Variants in SPMIP9 observed in about 807,000 individuals in gnomAD.
The protein encoded by SPMIP9 is sperm microtubule inner protein 9.
the SPMIP9 span, chr2:88,525,540 G>C: frequency 1.5e-6 from 2 of 1,359,754 alleles, no homozygotes; most frequent in Non-Finnish European, 2.1e-6. Context: ...GGCTAAGAAA[G>C]CTGGGGCAGC....
chr2:88,529,228 G>GC, the SPMIP9 span: 9 of 1,614,166 alleles, frequency 5.6e-6, no homozygotes, highest in Non-Finnish European at 7.6e-6. Flanking sequence ...GGGAGGACGA[G>GC]CGCAAGTTCA....
chr2:88,528,744 G>A, the SPMIP9 span, among the ~76,000 whole-genome samples: 2 of 152,178 alleles, frequency 1.3e-5, no homozygotes, highest in South Asian at 4.1e-4. Flanking sequence ...AAGGGAAGAA[G>A]ATATACACAT....
the SPMIP9 span, chr2:88,526,384 T>C: frequency 6.3e-7 from 1 of 1,583,338 alleles, no homozygotes; most frequent in Admixed American, 1.7e-5. Context: ...TCTCTTGTTT[T>C]ATATTCTCCT....
At chr2:88,527,295 AC>A in the SPMIP9 span, among the ~76,000 whole-genome samples, 1 of 152,044 alleles carries the variant, frequency 6.6e-6, no homozygotes, top group South Asian at 2.1e-4. Context: ...GCAGTTCGAG[AC>A]CAGCCTGGCT....
chr2:88,529,202 G>A, the SPMIP9 span: 6 of 1,614,150 alleles, frequency 3.7e-6, no homozygotes, highest in Middle Eastern at 1.6e-4. Context: ...CCCATCACAG[G>A]AACATGAGGC....
chr2:88,529,140 C>T, the SPMIP9 span: 1 of 1,614,180 alleles, frequency 6.2e-7, no homozygotes, highest in Non-Finnish European at 8.5e-7. Context: ...GGGTACCCTG[C>T]TTTCAAAAGA....
At chr2:88,525,749 T>A in the SPMIP9 span, 2 of 1,462,178 alleles carry the variant, frequency 1.4e-6, no homozygotes, top group Non-Finnish European at 9.6e-7. Context: ...AGGGCCAGGC[T>A]CTTTCTAGAA....
At chr2:88,527,446 C>G in the SPMIP9 span, among the ~76,000 whole-genome samples, 1 of 151,886 alleles carries the variant, frequency 6.6e-6, no homozygotes, top group African/African-American at 2.4e-5. Flanking sequence ...TCTATCCCCC[C>G]CAAAAAAATC....
chr2:88,527,536 A>G, the SPMIP9 span, among the ~76,000 whole-genome samples: 1 of 152,250 alleles, frequency 6.6e-6, no homozygotes, highest in South Asian at 2.1e-4. Context: ...GAACTTTATT[A>G]CATATTGGAT....
the SPMIP9 span, chr2:88,528,947 T>C: frequency 9.1e-6 from 11 of 1,205,694 alleles, no homozygotes; most frequent in Non-Finnish European, 1.3e-5. Flanking sequence ...TTTAAAGTTT[T>C]GAAAAAATAA....
chr2:88,525,673 T>G, the SPMIP9 span: 7 of 1,614,044 alleles, frequency 4.3e-6, no homozygotes, highest in South Asian at 7.7e-5. Flanking sequence ...CCGGGACAGG[T>G]GAGTGATGTG....
the SPMIP9 span, chr2:88,525,685 G>T: frequency 1.2e-5 from 20 of 1,614,044 alleles, 1 homozygote; most frequent in South Asian, 2.2e-4. Flanking sequence ...AGTGATGTGG[G>T]TTTCTGTCCC....
the SPMIP9 span, chr2:88,529,215 C>CG: frequency 6.2e-7 from 1 of 1,614,164 alleles, no homozygotes; most frequent in South Asian, 1.1e-5. Context: ...CATGAGGCCA[C>CG]GAGGGAGGAC....
At chr2:88,525,797 GT>G in the SPMIP9 span, 125,822 of 678,882 alleles carry the variant, frequency 0.19, 1,231 homozygotes, top group East Asian at 0.25. Context: ...GGTTTTGTGG[GT>G]TTTTTTTTTT....
chr2:88,526,200 A>G, the SPMIP9 span, among the ~76,000 whole-genome samples: 195 of 152,332 alleles, frequency 1.3e-3, no homozygotes, highest in Admixed American at 3.9e-3. Context: ...TGCCAGGCCC[A>G]TGCAAGTGGG....
At chr2:88,526,429 C>T in the SPMIP9 span, 1 of 1,613,900 alleles carries the variant, frequency 6.2e-7, no homozygotes. Flanking sequence ...AGACATATAC[C>T]AAAGCTCCCA....
chr2:88,529,539 G>A, the SPMIP9 span: 1 of 1,364,528 alleles, frequency 7.3e-7, no homozygotes, highest in Non-Finnish European at 1.0e-6. Context: ...ACCTTGGAGT[G>A]CAGAGAGGAG....
chr2:88,525,698 G>C, the SPMIP9 span: 2 of 1,613,904 alleles, frequency 1.2e-6, no homozygotes, highest in Non-Finnish European at 1.7e-6. Context: ...TCTGTCCCCT[G>C]TGACGGTCTC....
chr2:88,525,866 C>T, the SPMIP9 span, among the ~76,000 whole-genome samples: 2 of 150,056 alleles, frequency 1.3e-5, no homozygotes, highest in South Asian at 4.2e-4. Flanking sequence ...TCTGGGGGTT[C>T]AGTTATTTAC....
Sources: allele counts gnomAD v4.1 joint callset (sites outside exome capture counted in the v4.1 genomes callset), GRCh38; gene constraint gnomAD v4.1.1; transcripts MANE v1.5; gene names NCBI Gene and HGNC (gene_info 2026-07-23, HGNC 2026-07-21).